Variants in CCL18 observed in about 807,000 individuals in gnomAD.
CCL18 encodes the protein C-C motif chemokine 18.
In CCL18, 7 loss-of-function variants were observed where a neutral mutation model predicts 8.0. The ratio of observed to expected loss-of-function variants is 0.87; its 90% CI spans 0.50 to 1.64. CCL18 has a LOEUF of 1.64. CCL18 is among the 40% of genes most tolerant of loss of function. The pLI is 0.00. For missense variants in CCL18, 95 were observed against 107.8 expected (o/e 0.88, Z 0.52); for synonymous variants, 35 against 41.3 (o/e 0.85, Z 0.59).
rs139690163 is a variant in CCL18 at position 36,069,493 on chromosome 17, C to G, written c.68-954C>G. ...AACTAATGGGTACTAGGCTTAATAT[C>G]TGGGTGATGAAATAATCTGTATAAC... is the stretch of plus-strand genomic sequence containing the variant. On this transcript the variant is annotated intron_variant, in intron 1 of 2. Coordinates refer to ENST00000616054, the MANE Select transcript of CCL18 (RefSeq NM_002988.4). 8.0e-3 allele frequency among the ~76,000 whole-genome samples: 1,217 copies of G among 152,296 alleles called. 14 individuals are homozygous for G. Among genetic ancestry groups the G allele is most frequent in the African/African-American group, 0.027 (1,128 of 41,550 alleles).
At chr17:36,065,805 C>T (rs1219459628) in intron 1 of CCL18, among the ~76,000 whole-genome samples, 3 of 152,210 alleles carry the variant, frequency 2.0e-5, no homozygotes, top group Non-Finnish European at 4.4e-5. Flanking sequence ...AAATCTCTGC[C>T]TCTGTCTTAC....
intron 1 of CCL18, among the ~76,000 whole-genome samples, chr17:36,066,582 A>T (rs1261165608): frequency 1.3e-5 from 2 of 152,218 alleles, no homozygotes; most frequent in East Asian, 3.8e-4. Flanking sequence ...GGGGTTCAGG[A>T]TGTACAAGAG....
intron 1 of CCL18, among the ~76,000 whole-genome samples, chr17:36,066,894 G>A (rs541918955): frequency 2.0e-5 from 3 of 152,340 alleles, no homozygotes; most frequent in South Asian, 2.1e-4. Context: ...TGAGGAGGAC[G>A]TCAAGAATTG....
intron 1 of CCL18, among the ~76,000 whole-genome samples, chr17:36,066,849 G>A (rs759350271): frequency 6.6e-6 from 1 of 152,222 alleles, no homozygotes; most frequent in Non-Finnish European, 1.5e-5. Flanking sequence ...ATTACATCGT[G>A]TTAATCGGAG....
chr17:36,070,844 G>A (rs150956025), intron 2 of CCL18, 107 bp from the exon 3 acceptor site: 28 of 864,536 alleles, frequency 3.2e-5, no homozygotes, highest in Non-Finnish European at 4.9e-5. Flanking sequence ...GAAATTTTAC[G>A]GGCACGAGGA....
intron 1 of CCL18, among the ~76,000 whole-genome samples, chr17:36,066,997 A>G (rs898245302): frequency 7.2e-5 from 11 of 152,218 alleles, no homozygotes; most frequent in Non-Finnish European, 1.5e-4. Context: ...TATGGAACAG[A>G]TATTTCTAGT....
intron 1 of CCL18, among the ~76,000 whole-genome samples, chr17:36,067,618 T>A (rs1049399001): frequency 2.6e-5 from 4 of 151,800 alleles, no homozygotes; most frequent in African/African-American, 2.4e-5. Flanking sequence ...ACCTGGGAAG[T>A]GGGGGTTGCA....
chr17:36,065,244 C>T (rs2066831002), intron 1 of CCL18, among the ~76,000 whole-genome samples: 1 of 152,148 alleles, frequency 6.6e-6, no homozygotes, highest in South Asian at 2.1e-4. Context: ...CTCTTCCTGT[C>T]CTCTTAAATT....
intron 2 of CCL18, 24 bp from the exon 3 acceptor site, chr17:36,070,927 T>C (rs759977713): frequency 6.4e-7 from 1 of 1,566,306 alleles, no homozygotes; most frequent in Non-Finnish European, 8.8e-7. Context: ...CGTCAGTTCT[T>C]AACTCTTCCT....
intron 1 of CCL18, among the ~76,000 whole-genome samples, chr17:36,067,035 A>C (rs1296287212): frequency 1.3e-5 from 2 of 152,222 alleles, no homozygotes; most frequent in Non-Finnish European, 2.9e-5. Flanking sequence ...CAGAAGTGAC[A>C]TGTAAGATGA....
intron 1 of CCL18, among the ~76,000 whole-genome samples, chr17:36,065,286 CT>C (rs1322663615): frequency 6.6e-6 from 1 of 152,206 alleles, no homozygotes; most frequent in African/African-American, 2.4e-5. Flanking sequence ...TCTGCAATCA[CT>C]TTTCTTCTGC....
chr17:36,068,948 T>C (rs2066851037), intron 1 of CCL18, among the ~76,000 whole-genome samples: 2 of 152,062 alleles, frequency 1.3e-5, no homozygotes, highest in Non-Finnish European at 2.9e-5. Context: ...TAGGCTTGAC[T>C]TTCCGGGCTG....
chr17:36,067,914 C>G (rs972924417), intron 1 of CCL18, among the ~76,000 whole-genome samples: 1 of 152,190 alleles, frequency 6.6e-6, no homozygotes, highest in Non-Finnish European at 1.5e-5. Context: ...TGTATTTGTA[C>G]TATACCTTTT....
intron 1 of CCL18, among the ~76,000 whole-genome samples, chr17:36,066,288 C>A (rs540810565): frequency 2.6e-5 from 4 of 152,136 alleles, no homozygotes; most frequent in Admixed American, 1.3e-4. Flanking sequence ...GAGAGTCTCA[C>A]GGGACAGATG....
At chr17:36,064,835 G>A (rs957526276) in intron 1 of CCL18, among the ~76,000 whole-genome samples, 1 of 152,184 alleles carries the variant, frequency 6.6e-6, no homozygotes, top group Non-Finnish European at 1.5e-5. Context: ...GTTAGGAGAA[G>A]GGCATAGACT....
intron 1 of CCL18, among the ~76,000 whole-genome samples, chr17:36,064,935 C>T (rs1189697362): frequency 6.6e-6 from 1 of 152,102 alleles, no homozygotes; most frequent in Non-Finnish European, 1.5e-5. Flanking sequence ...AACAAAAAGC[C>T]AGATTATTTC....
intron 1 of CCL18, 191 bp from the exon 2 acceptor site, chr17:36,070,256 G>T (rs948620005): frequency 1.9e-6 from 1 of 537,922 alleles, no homozygotes; most frequent in Non-Finnish European, 3.3e-6. Flanking sequence ...AACACCAAGA[G>T]AAAGATGCAG....
chr17:36,070,432 T>C lies in CCL18; in HGVS notation c.68-15T>C, dbSNP rs1240092564. 5 of 1,500,242 alleles carry C rather than the reference T, an allele frequency of 3.3e-6. No individual in the cohort carries two copies. The highest frequency in any genetic ancestry group is 4.6e-6 in the Non-Finnish European group (5 of 1,075,920). 92.9% of individuals were successfully genotyped at this position (1,500,242 alleles called of 1,614,324 possible). A position where few individuals can be genotyped will look rare whatever the true frequency, so the allele number is the denominator to read the frequency against. On this transcript the variant is annotated splice_polypyrimidine_tract_variant and intron_variant, in intron 1 of 2. Transcript: ENST00000616054. ...TGAACAATGACTTGGGATCTTTCTG[T>C]CCTGTCTCTTGCAGTTGGTACCAAC...
intron 1 of CCL18, among the ~76,000 whole-genome samples, chr17:36,066,912 C>T (rs2066840530): frequency 6.6e-6 from 1 of 152,174 alleles, no homozygotes; most frequent in African/African-American, 2.4e-5. Flanking sequence ...TTGGTGTTAC[C>T]AAGAAGCCAA....
Sources: gnomAD v4.1 joint callset for allele counts (sites outside exome capture counted in the v4.1 genomes callset) on GRCh38, gnomAD v4.1.1 for gene constraint, MANE v1.5 for transcripts, NCBI Gene and HGNC (gene_info 2026-07-23, HGNC 2026-07-21) for gene names.